ALK: variants seen among roughly 807,000 people sequenced by gnomAD.
ALK encodes ALK receptor tyrosine kinase, also known as ALK tyrosine kinase receptor.
In ALK, 74 loss-of-function variants were observed where a neutral mutation model predicts 163.1. The ratio of observed to expected loss-of-function variants is 0.45; its 90% CI spans 0.38 to 0.55. The LOEUF (loss-of-function observed/expected upper bound fraction) is 0.55. Ranked by LOEUF, ALK falls within the 20% of genes least tolerant of loss-of-function variation. ALK has a pLI of 0.00. For missense variants in ALK, 2,063 were observed against 2,105.3 expected, an observed-to-expected ratio of 0.98 and a Z score of 0.39; for synonymous variants, 960 against 843.2, an observed-to-expected ratio of 1.14 and a Z score of -2.40.
intron 1 of ALK, among the ~76,000 whole-genome samples, chr2:29,903,709 A>G (rs1229659780): frequency 2.0e-5 from 3 of 152,208 alleles, no homozygotes; most frequent in Non-Finnish European, 4.4e-5. Context: ...TGGGGTAGAA[A>G]GAAAAATAAA....
intron 1 of ALK, among the ~76,000 whole-genome samples, chr2:29,778,409 C>T (rs1355161703): frequency 6.6e-6 from 1 of 152,162 alleles, no homozygotes; most frequent in African/African-American, 2.4e-5. Context: ...GACTAAATTT[C>T]GGTTCAAATG....
At chr2:29,723,021 C>T (rs942188399) in intron 1 of ALK, among the ~76,000 whole-genome samples, 2 of 152,154 alleles carry the variant, frequency 1.3e-5, no homozygotes, top group African/African-American at 4.8e-5. Flanking sequence ...CGCATCTCTC[C>T]ATTATTGCTA....
At chr2:29,500,768 C>T (rs1168733770) in intron 4 of ALK, among the ~76,000 whole-genome samples, 1 of 152,150 alleles carries the variant, frequency 6.6e-6, no homozygotes, top group Non-Finnish European at 1.5e-5. Flanking sequence ...ATCTTCCCTT[C>T]GCTCTTCTCC....
intron 8 of ALK, among the ~76,000 whole-genome samples, chr2:29,307,946 G>A (rs1666570377): frequency 6.6e-6 from 1 of 152,056 alleles, no homozygotes; most frequent in African/African-American, 2.4e-5. Context: ...GAACACCAGT[G>A]GACATTCATA....
chr2:29,575,053 C>G (rs1464243377), intron 3 of ALK, among the ~76,000 whole-genome samples: 1 of 152,198 alleles, frequency 6.6e-6, no homozygotes, highest in Non-Finnish European at 1.5e-5. Flanking sequence ...GTGAGAGCCT[C>G]TCTAAATCAG....
chr2:29,241,758 T>C (rs62130598), intron 12 of ALK, among the ~76,000 whole-genome samples: 12,172 of 152,094 alleles, frequency 0.08, 664 homozygotes, highest in Non-Finnish European at 0.12. Flanking sequence ...GCACAATGCA[T>C]GCTCACAGGC....
At chr2:29,827,729 TG>T (rs1665242124) in intron 1 of ALK, among the ~76,000 whole-genome samples, 1 of 152,150 alleles carries the variant, frequency 6.6e-6, no homozygotes, top group African/African-American at 2.4e-5. Flanking sequence ...ATCGTGAAAA[TG>T]GCCATACTGC....
At chr2:29,734,280 T>A (rs1490447807) in intron 1 of ALK, among the ~76,000 whole-genome samples, 1 of 152,140 alleles carries the variant, frequency 6.6e-6, no homozygotes, top group Non-Finnish European at 1.5e-5. Context: ...TCCATCCCCA[T>A]CTGCTCTGAG....
intron 3 of ALK, among the ~76,000 whole-genome samples, chr2:29,660,539 G>T (rs944843955): frequency 5.9e-5 from 9 of 151,832 alleles, no homozygotes; most frequent in African/African-American, 1.7e-4. Context: ...TAAAGGAGGG[G>T]AGTGGTGGAG....
At chr2:29,652,713 G>T (rs1034233670) in intron 3 of ALK, among the ~76,000 whole-genome samples, 1 of 152,068 alleles carries the variant, frequency 6.6e-6, no homozygotes, top group Non-Finnish European at 1.5e-5. Context: ...ATCACGCTTA[G>T]GTAATGATGT....
chr2:29,664,735 G>A (rs1172877592), intron 3 of ALK, among the ~76,000 whole-genome samples: 1 of 152,132 alleles, frequency 6.6e-6, no homozygotes, highest in Non-Finnish European at 1.5e-5. Flanking sequence ...AGGAGTGACA[G>A]CATAATGGCT....
At chr2:29,626,654 A>G (rs140448329) in intron 3 of ALK, among the ~76,000 whole-genome samples, 1 of 152,294 alleles carries the variant, frequency 6.6e-6, no homozygotes, top group African/African-American at 2.4e-5. Context: ...TCCCCTCCCC[A>G]TGTGAGGACA....
At chr2:29,512,758 C>G (rs1420390029) in intron 4 of ALK, among the ~76,000 whole-genome samples, 1 of 149,152 alleles carries the variant, frequency 6.7e-6, no homozygotes, top group African/African-American at 2.5e-5. Flanking sequence ...CCCACTGTCT[C>G]AGCCCAAAAT....
intron 3 of ALK, among the ~76,000 whole-genome samples, chr2:29,692,479 C>G (rs1470585987): frequency 6.6e-6 from 1 of 152,204 alleles, no homozygotes; most frequent in Non-Finnish European, 1.5e-5. Context: ...CACCTCAGAT[C>G]ATCAGGCATT....
rs1015828759 is a variant in ALK at position 29,876,472 on chromosome 2, A to G, written c.667+43521T>C. ...GATGATGGTGATGGCAATTGTGATG[A>G]TGGTGGTGATGGTGATGGTAGTGGT... On this transcript the variant is annotated intron_variant, in intron 1 of 28. Transcript: ENST00000389048. Among the ~76,000 whole-genome samples, 31 of 147,186 alleles carry G rather than the reference A, an allele frequency of 2.1e-4. 1 individual carries two copies.
At position 29,349,364 on chromosome 2, in the gene ALK, A is replaced by G. The variant is rs188699022; in HGVS notation, c.1283-20883T>C. 2.3e-4 allele frequency among the ~76,000 whole-genome samples: 35 copies of G among 152,278 alleles called. No homozygotes were observed. In the East Asian group the frequency reaches 6.8e-3, roughly 29 times the overall value. On this transcript the variant is annotated intron_variant, in intron 5 of 28. Coordinates refer to ENST00000389048, the MANE Select transcript of ALK (RefSeq NM_004304.5). ...GTTTGTTTGTAGCCTCATCAGGGGA[A>G]AGTCATTTCAAACTGCTTGTTTGTG...
At chr2:29,823,933 T>G (rs1322955101) in intron 1 of ALK, among the ~76,000 whole-genome samples, 1 of 152,018 alleles carries the variant, frequency 6.6e-6, no homozygotes, top group Non-Finnish European at 1.5e-5. Context: ...ATGTCAGAGG[T>G]CTTCACAGCA....
chr2:29,647,780 T>TC (rs1387548214), intron 3 of ALK, among the ~76,000 whole-genome samples: 29 of 146,938 alleles, frequency 2.0e-4, no homozygotes, highest in Middle Eastern at 7.0e-3. Flanking sequence ...TTTTTCTTTT[T>TC]TTTTTTTTTT....
chr2:29,747,382 T>TA (rs1003721925), intron 1 of ALK, among the ~76,000 whole-genome samples: 7 of 152,210 alleles, frequency 4.6e-5, no homozygotes, highest in Non-Finnish European at 1.0e-4. Context: ...CATTAAAAAA[T>TA]AATTGTTTAA....
Sources: gnomAD v4.1 joint callset for allele counts (sites outside exome capture counted in the v4.1 genomes callset) on GRCh38, gnomAD v4.1.1 for gene constraint, MANE v1.5 for transcripts, NCBI Gene and HGNC (gene_info 2026-07-23, HGNC 2026-07-21) for gene names.